AGBL1: variants seen among roughly 807,000 people sequenced by gnomAD.
The protein encoded by AGBL1 is AGBL carboxypeptidase 1.
Under a neutral mutation model 118.9 loss-of-function variants are expected in AGBL1, and 130 were observed. The observed-to-expected ratio is 1.09, with a 90% confidence interval of 0.95 to 1.26. The LOEUF is 1.26. Ranked by LOEUF, AGBL1 falls within the 50% of genes most tolerant of loss-of-function variation. The pLI, the probability that AGBL1 is intolerant of heterozygous loss-of-function variation, is 0.00. For synonymous variants in AGBL1, 555 were observed against 478.9 expected (o/e 1.16, Z -2.08); for missense variants, 1,584 against 1,298.1 (o/e 1.22, Z -3.38).
At chr15:86,849,662 C>G (rs1213971153) in intron 22 of AGBL1, among the ~76,000 whole-genome samples, 3 of 152,128 alleles carry the variant, frequency 2.0e-5, no homozygotes, top group African/African-American at 7.2e-5. Flanking sequence ...AGAGTAGCAG[C>G]TCTGGCCAGT....
At chr15:86,134,478 C>A (rs1245997001) in intron 1 of AGBL1, among the ~76,000 whole-genome samples, 1 of 151,804 alleles carries the variant, frequency 6.6e-6, no homozygotes, top group Non-Finnish European at 1.5e-5. Context: ...ACTCAAAGTG[C>A]GAGGGGATGG....
intron 22 of AGBL1, among the ~76,000 whole-genome samples, chr15:86,697,503 A>ATT (rs55678017): frequency 6.9e-6 from 1 of 144,620 alleles, no homozygotes; most frequent in African/African-American, 2.5e-5. Context: ...ATCTTGTATC[A>ATT]TTTTTTTTTT....
intron 22 of AGBL1, among the ~76,000 whole-genome samples, chr15:86,753,327 A>G (rs1312955183): frequency 6.6e-6 from 1 of 151,452 alleles, no homozygotes; most frequent in Non-Finnish European, 1.5e-5. Context: ...CTTCATTTTC[A>G]GTAAACTTGC....
intron 23 of AGBL1, among the ~76,000 whole-genome samples, chr15:86,948,524 C>T (rs2080848675): frequency 6.6e-6 from 1 of 152,176 alleles, no homozygotes; most frequent in Non-Finnish European, 1.5e-5. Context: ...TTTGATTTGT[C>T]TGTTTTTTGA....
At chr15:86,722,334 G>A (rs1283026765) in intron 22 of AGBL1, among the ~76,000 whole-genome samples, 6 of 152,158 alleles carry the variant, frequency 3.9e-5, no homozygotes, top group Non-Finnish European at 8.8e-5. Flanking sequence ...ACAGAGCAGA[G>A]CCCTCAGAAA....
intron 22 of AGBL1, among the ~76,000 whole-genome samples, chr15:86,779,623 C>T (rs908725415): frequency 6.6e-6 from 1 of 152,032 alleles, no homozygotes; most frequent in Admixed American, 6.6e-5. Context: ...GTAGTTGATA[C>T]TGCCAAAGAA....
chr15:86,194,000 CT>C (rs1035515740), intron 5 of AGBL1, among the ~76,000 whole-genome samples: 9 of 152,280 alleles, frequency 5.9e-5, no homozygotes, highest in African/African-American at 1.9e-4. Context: ...GAGGCAGAAT[CT>C]TTGTAGAGTC....
intron 22 of AGBL1, among the ~76,000 whole-genome samples, chr15:86,770,910 A>G (rs1372267396): frequency 6.6e-6 from 1 of 152,036 alleles, no homozygotes; most frequent in Non-Finnish European, 1.5e-5. Flanking sequence ...ACACAGCTAG[A>G]TTACCTATCT....
chr15:86,271,022 T>G (rs1430904176), intron 14 of AGBL1, among the ~76,000 whole-genome samples: 4 of 150,374 alleles, frequency 2.7e-5, no homozygotes, highest in East Asian at 3.9e-4. Context: ...TTGAAATCTC[T>G]CTCTGCTTCA....
At chr15:86,231,899 A>G (rs1238907982) in intron 6 of AGBL1, among the ~76,000 whole-genome samples, 1 of 152,206 alleles carries the variant, frequency 6.6e-6, no homozygotes, top group East Asian at 1.9e-4. Context: ...GGGAGGGGGT[A>G]TCTGTCATTG....
At chr15:86,144,867 T>G (rs775818191) in intron 3 of AGBL1, among the ~76,000 whole-genome samples, 1 of 152,190 alleles carries the variant, frequency 6.6e-6, no homozygotes, top group Non-Finnish European at 1.5e-5. Flanking sequence ...TTCCTAGAGC[T>G]GCCATACGAA....
intron 18 of AGBL1, among the ~76,000 whole-genome samples, chr15:86,499,511 G>C (rs1329471233): frequency 6.6e-6 from 1 of 151,820 alleles, no homozygotes; most frequent in Non-Finnish European, 1.5e-5. Context: ...CTGTGGAAAG[G>C]ATTACCACAA....
At chr15:86,343,041 C>A (rs1053835851) in intron 17 of AGBL1, among the ~76,000 whole-genome samples, 3 of 152,142 alleles carry the variant, frequency 2.0e-5, no homozygotes. Context: ...CTAACTTAGA[C>A]ATAGTCTTGG....
chr15:86,232,349 C>A (rs1029573358), intron 6 of AGBL1, among the ~76,000 whole-genome samples: 2 of 152,144 alleles, frequency 1.3e-5, no homozygotes, highest in South Asian at 2.1e-4. Flanking sequence ...TGTGGTGGTG[C>A]TGTTCTTTTA....
chr15:87,011,471 T>A (rs1286194813), intron 24 of AGBL1, among the ~76,000 whole-genome samples: 3 of 152,234 alleles, frequency 2.0e-5, no homozygotes, highest in Non-Finnish European at 2.9e-5. Flanking sequence ...GAAGTGAATG[T>A]CCAGATTTAA....
chr15:86,112,245 G>T (rs989906452), intron 1 of AGBL1, among the ~76,000 whole-genome samples: 2 of 152,078 alleles, frequency 1.3e-5, no homozygotes, highest in African/African-American at 2.4e-5. Flanking sequence ...ACTAGTCCCT[G>T]GTGTCAAAAA....
chr15:86,310,751 C>G (rs1215736281), intron 17 of AGBL1, among the ~76,000 whole-genome samples: 2 of 152,146 alleles, frequency 1.3e-5, no homozygotes, highest in African/African-American at 4.8e-5. Flanking sequence ...CTGGCAAAAG[C>G]ATTTCTATTT....
At chr15:86,215,101 G>A (rs2078163098) in intron 5 of AGBL1, among the ~76,000 whole-genome samples, 1 of 152,050 alleles carries the variant, frequency 6.6e-6, no homozygotes, top group African/African-American at 2.4e-5. Context: ...GCATGCAGAA[G>A]CCATCTCAGT....
chr15:86,273,338 A>G (rs939265650), intron 15 of AGBL1, among the ~76,000 whole-genome samples: 30 of 152,232 alleles, frequency 2.0e-4, no homozygotes, highest in African/African-American at 6.3e-4. Context: ...GGGATAAGAA[A>G]AAAACCATGA....
Sources: gnomAD v4.1 joint callset for allele counts (sites outside exome capture counted in the v4.1 genomes callset) on GRCh38, gnomAD v4.1.1 for gene constraint, MANE v1.5 for transcripts, NCBI Gene and HGNC (gene_info 2026-07-23, HGNC 2026-07-21) for gene names.